The following GRM7 variants were observed in gnomAD, a reference collection of about 807,000 sequenced individuals.
GRM7 encodes the protein metabotropic glutamate receptor 7.
Under a neutral mutation model 84.5 loss-of-function variants are expected in GRM7, and 35 were observed. The ratio of observed to expected loss-of-function variants is 0.41; its 90% CI spans 0.32 to 0.55. The LOEUF is 0.55. Among genes scored for constraint, GRM7 ranks in the 20% least tolerant of loss-of-function variants. The probability of loss-of-function intolerance (pLI) is 0.19; values close to 1 mark genes in which losing one functional copy is unlikely to be tolerated. For synonymous variants in GRM7, 487 were observed against 455.1 expected, an observed-to-expected ratio of 1.07 and a Z score of -0.89; for missense variants, 1,003 against 1,194.6, an observed-to-expected ratio of 0.84 and a Z score of 2.36.
At chr3:7,609,065 T>C (rs1004493843) in intron 8 of GRM7, among the ~76,000 whole-genome samples, 3 of 152,182 alleles carry the variant, frequency 2.0e-5, no homozygotes, top group African/African-American at 7.2e-5. Context: ...TTCTGTTTCA[T>C]TGGTCTATGT....
intron 7 of GRM7, among the ~76,000 whole-genome samples, chr3:7,477,832 A>G (rs1052403334): frequency 2.0e-5 from 3 of 152,108 alleles, no homozygotes; most frequent in Non-Finnish European, 2.9e-5. Flanking sequence ...TCACACACGC[A>G]TGTATTCAGC....
intron 1 of GRM7, among the ~76,000 whole-genome samples, chr3:7,136,952 C>T (rs1559463911): frequency 6.6e-6 from 1 of 152,122 alleles, no homozygotes; most frequent in South Asian, 2.1e-4. Context: ...AAGAACCCAT[C>T]AATTGACCTT....
intron 2 of GRM7, among the ~76,000 whole-genome samples, chr3:7,167,925 C>T (rs1453859286): frequency 1.5e-5 from 2 of 130,428 alleles, no homozygotes; most frequent in Admixed American, 9.9e-5. Flanking sequence ...GCCAAGATCA[C>T]GCCACTGCAC....
chr3:6,906,300 C>A (rs115802487), intron 1 of GRM7, among the ~76,000 whole-genome samples: 1,688 of 152,240 alleles, frequency 0.011, 16 homozygotes, highest in Non-Finnish European at 0.017. Context: ...GCAGCTGGAA[C>A]AAGTTACATG....
At chr3:7,685,750 C>T (rs1331709169) in intron 9 of GRM7, among the ~76,000 whole-genome samples, 2 of 148,530 alleles carry the variant, frequency 1.3e-5, no homozygotes, top group Middle Eastern at 3.4e-3. Flanking sequence ...AAATTTGTTA[C>T]ATAAACTAGG....
At chr3:6,895,865 C>A (rs1696160402) in intron 1 of GRM7, among the ~76,000 whole-genome samples, 1 of 151,706 alleles carries the variant, frequency 6.6e-6, no homozygotes, top group South Asian at 2.1e-4. Context: ...TAAGATTGCC[C>A]ATTGAGTAAA....
At chr3:7,191,427 A>T (rs1460281836) in intron 2 of GRM7, among the ~76,000 whole-genome samples, 1 of 152,150 alleles carries the variant, frequency 6.6e-6, no homozygotes, top group Non-Finnish European at 1.5e-5. Context: ...TTTATGCTAA[A>T]CAAATGAAGG....
At chr3:7,573,832 A>G (rs1694827349) in intron 7 of GRM7, among the ~76,000 whole-genome samples, 1 of 152,210 alleles carries the variant, frequency 6.6e-6, no homozygotes, top group South Asian at 2.1e-4. Flanking sequence ...GTTGCCTACT[A>G]TCCACGTAAG....
chr3:7,327,169 T>C (rs1052052365), intron 4 of GRM7, among the ~76,000 whole-genome samples: 4 of 152,222 alleles, frequency 2.6e-5, no homozygotes, highest in Non-Finnish European at 4.4e-5. Context: ...TGTGAAGTTA[T>C]TGTTTATTGC....
At chr3:7,710,410 G>A (rs1291486991) in intron 9 of GRM7, among the ~76,000 whole-genome samples, 3 of 152,104 alleles carry the variant, frequency 2.0e-5, no homozygotes, top group Non-Finnish European at 4.4e-5. Context: ...AGTAATCGCT[G>A]GAGATTACCA....
At chr3:6,947,866 T>C (rs1224484177) in intron 1 of GRM7, among the ~76,000 whole-genome samples, 1 of 152,224 alleles carries the variant, frequency 6.6e-6, no homozygotes, top group Non-Finnish European at 1.5e-5. Flanking sequence ...TGTTCTCTGA[T>C]GGTAGTCTGT....
In GRM7 at chr3:7,534,963, C is replaced by T. The variant is rs564620746; in HGVS notation, c.1516-43459C>T. ...ATGAGAATGTACATGCGAGCTATTGCCCTCTTTCCACTTTTCCACTCTTGT... is the reference window on the plus strand; with the variant it reads ...ATGAGAATGTACATGCGAGCTATTGTCCTCTTTCCACTTTTCCACTCTTGT... On this transcript the variant is annotated intron_variant, in intron 7 of 9. Coordinates refer to ENST00000357716, the MANE Select transcript of GRM7 (RefSeq NM_000844.4). 2.0e-5 allele frequency among the ~76,000 whole-genome samples: 3 copies of T among 152,236 alleles called. No individual in the cohort carries two copies. The East Asian group carries it at 5.8e-4, about 30-fold the overall frequency.
rs189516091 is a variant in GRM7, at chr3:7,095,294, T to A, written c.520-51158T>A. On this transcript the variant is annotated intron_variant, in intron 1 of 9. Coordinates refer to ENST00000357716, the MANE Select transcript of GRM7 (RefSeq NM_000844.4). ...TCCAGTTCCACTCTTTTGCTCAGAT[T>A]ACTAAGTGGCTTGACTACATCTGTA... Among the ~76,000 whole-genome samples the A allele has an allele frequency of 2.5e-3, 388 of 152,302 alleles. 1 individual carries two copies. The highest frequency in any genetic ancestry group is 6.5e-3 in the Admixed American group (100 of 15,296).
intron 1 of GRM7, among the ~76,000 whole-genome samples, chr3:6,921,463 G>A (rs1185098836): frequency 4.6e-5 from 7 of 152,152 alleles, no homozygotes; most frequent in Non-Finnish European, 8.8e-5. Context: ...ACCTGAAATA[G>A]TAGGACACAC....
intron 7 of GRM7, among the ~76,000 whole-genome samples, chr3:7,475,294 C>T (rs1698876385): frequency 6.6e-6 from 1 of 152,130 alleles, no homozygotes; most frequent in Non-Finnish European, 1.5e-5. Flanking sequence ...TTGATGCCTG[C>T]CATTTGAAAT....
chr3:7,127,186 A>C (rs906604964), intron 1 of GRM7, among the ~76,000 whole-genome samples: 1 of 152,210 alleles, frequency 6.6e-6, no homozygotes, highest in Non-Finnish European at 1.5e-5. Flanking sequence ...TCTTCCATTC[A>C]CAGTTCTAGA....
chr3:7,615,060 T>C (rs1383076513), intron 8 of GRM7, among the ~76,000 whole-genome samples: 1 of 152,208 alleles, frequency 6.6e-6, no homozygotes, highest in Non-Finnish European at 1.5e-5. Flanking sequence ...TTGTTTTTAC[T>C]GAGAATTCAG....
At chr3:7,668,949 G>T (rs1699814521) in intron 8 of GRM7, among the ~76,000 whole-genome samples, 1 of 152,134 alleles carries the variant, frequency 6.6e-6, no homozygotes, top group Non-Finnish European at 1.5e-5. Context: ...AGTGTATTCT[G>T]GTTCTCTACC....
intron 4 of GRM7, among the ~76,000 whole-genome samples, chr3:7,373,879 G>A (rs113255327): frequency 9.9e-5 from 15 of 152,268 alleles, no homozygotes; most frequent in African/African-American, 2.6e-4. Context: ...TGGAAATGTC[G>A]CTTGTATGAT....
Sources: gnomAD v4.1 joint callset for allele counts (sites outside exome capture counted in the v4.1 genomes callset) on GRCh38, gnomAD v4.1.1 for gene constraint, MANE v1.5 for transcripts, NCBI Gene and HGNC (gene_info 2026-07-23, HGNC 2026-07-21) for gene names.